Variants in NAV1 observed in about 807,000 individuals in gnomAD.
NAV1 encodes neuron navigator 1.
NAV1 carries 18 observed loss-of-function variants against 175.2 expected under a neutral mutation model. That is an observed-to-expected ratio of 0.10 (90% CI 0.07 to 0.15). The LOEUF (loss-of-function observed/expected upper bound fraction) is 0.15. NAV1 is among the 10% of genes least tolerant of loss of function. The pLI, the probability that NAV1 is intolerant of heterozygous loss-of-function variation, is 1.00. For missense variants in NAV1, 1,731 were observed against 2,436.6 expected, an observed-to-expected ratio of 0.71 and a Z score of 6.10; for synonymous variants, 897 against 978.7, an observed-to-expected ratio of 0.92 and a Z score of 1.56.
chr1:201,563,182 G>A (rs563867314), intron 1 of NAV1, among the ~76,000 whole-genome samples: 2 of 152,228 alleles, frequency 1.3e-5, no homozygotes, highest in African/African-American at 4.8e-5. Flanking sequence ...CTGGTGGTGC[G>A]ACTCAGGGCT....
At chr1:201,819,925 C>T in exon 30 of NAV1, 2 of 1,614,150 alleles carry the variant, frequency 1.2e-6, no homozygotes, top group African/African-American at 2.7e-5. Context: ...CTTCAGGCAA[C>T]ACTTTAAGGG....
intron 1 of NAV1, among the ~76,000 whole-genome samples, chr1:201,576,216 T>C (rs1194185479): frequency 6.6e-6 from 1 of 152,246 alleles, no homozygotes; most frequent in Admixed American, 6.5e-5. Flanking sequence ...TTGCCATTTC[T>C]ATACTTTTGC....
chr1:201,592,519 C>G (rs1013569207), intron 2 of NAV1, among the ~76,000 whole-genome samples: 1 of 152,186 alleles, frequency 6.6e-6, no homozygotes, highest in Admixed American at 6.5e-5. Flanking sequence ...GACTTCCAGG[C>G]TGGTGCTCTG....
rs374825611 is a variant in NAV1, at chr1:201,539,793, C to G, written c.-144+451C>G. Among the ~76,000 whole-genome samples the G allele has an allele frequency of 1.3e-5, 2 of 152,330 alleles. No homozygotes were observed. Among genetic ancestry groups the G allele is most frequent in the African/African-American group, 4.8e-5 (2 of 41,582 alleles). ...TTCGTTGAAGCAAGAGTTAACTCCT[C>G]CCATCCCAGCAGGAGCCAGAGGAAC... On this transcript the variant is annotated intron_variant, in intron 1 of 33. Transcript: ENST00000685211. The surrounding 1 kb of genome is among the most constrained non-coding windows in gnomAD (Gnocchi z 5.6).
In NAV1 at chr1:201,616,269, C is replaced by T. The variant is rs556642830; in HGVS notation, c.-32-6584C>T. Among the ~76,000 whole-genome samples the T allele has an allele frequency of 5.3e-5, 8 of 152,248 alleles. 1 individual carries two copies. The highest frequency in any genetic ancestry group is 1.9e-4 in the African/African-American group (8 of 41,548). On this transcript the variant is annotated intron_variant, in intron 2 of 33. Transcript: ENST00000685211. The stretch of plus-strand genomic sequence containing the variant: ...CTGGCTCCAGAGTATATTCTTTAAC[C>T]ACTGTACCACAGAATCTCTTTAAAG...
At chr1:201,652,122 G>T (rs962726334) in intron 1 of NAV1, among the ~76,000 whole-genome samples, 1 of 151,964 alleles carries the variant, frequency 6.6e-6, no homozygotes, top group African/African-American at 2.4e-5. Context: ...ATGGTGACTT[G>T]ATGTTTCAGG....
At chr1:201,578,903 T>A (rs779151028) in intron 1 of NAV1, among the ~76,000 whole-genome samples, 19 of 152,040 alleles carry the variant, frequency 1.2e-4, no homozygotes, top group Non-Finnish European at 2.5e-4. Context: ...GAGGCCGAGG[T>A]GAGTGGATCA....
At chr1:201,567,758 G>C (rs536080048) in intron 1 of NAV1, among the ~76,000 whole-genome samples, 3 of 152,278 alleles carry the variant, frequency 2.0e-5, no homozygotes, top group Non-Finnish European at 4.4e-5. Context: ...ACCCATGAGA[G>C]ACTATGGCTT....
At position 201,782,239 on chromosome 1, in the gene NAV1, G is replaced by A. The variant is rs759712759; in HGVS notation, c.1727G>A (p.Arg576His). The A allele has an allele frequency of 6.2e-7, 1 of 1,613,882 alleles. No homozygotes were observed. Among genetic ancestry groups the A allele is most frequent in the East Asian group, 2.2e-5 (1 of 44,874 alleles). The change falls in exon 6 of 30, where the codon CGC becomes CAC. Residue 576 changes from arginine (R) to histidine (H), a missense_variant. Transcript: ENST00000367296. This position sits in a 1 kb window ranked among gnomAD's most constrained non-coding sequence, Gnocchi z 5.4. ...GCAGTGAAGAATACTGGGCTCCAAC[G>A]CTCCTCCTCTGATGCTGGTCGGGAC...
rs184763118 is a variant in NAV1 at position 201,694,974 on chromosome 1, G to C, written c.758-17843G>C. Among the ~76,000 whole-genome samples the C allele has an allele frequency of 1.3e-3, 198 of 152,362 alleles. No individual in the cohort carries two copies. Among genetic ancestry groups the C allele is most frequent in the Non-Finnish European group, 2.2e-3 (152 of 68,030 alleles). ...GGCATTTGCCTCCTTGCTTCCAAATGTAGAGGGACAGTAGAGATCGTCTGC... is the reference window on the plus strand; with the variant it reads ...GGCATTTGCCTCCTTGCTTCCAAATCTAGAGGGACAGTAGAGATCGTCTGC... On this transcript the variant is annotated intron_variant, in intron 1 of 29. Transcript: ENST00000367296. The surrounding 1 kb of genome is among the most constrained non-coding windows in gnomAD (Gnocchi z 4.2).
chr1:201,677,396 TC>T lies in NAV1; in HGVS notation c.757+27972del, dbSNP rs552369299. On this transcript the variant is annotated intron_variant, in intron 1 of 29. Transcript: ENST00000367296. ...GATCCCTGCAAGTTTCCTCAGTGCC[TC>T]TCCAGTTCTGTGCCATGGGACATGG... Among the ~76,000 whole-genome samples, 27 of 152,224 alleles carry T rather than the reference TC, an allele frequency of 1.8e-4. No homozygotes were observed. The South Asian group carries it at 5.0e-3, about 28-fold the overall frequency.
At position 201,819,958 on chromosome 1, in the gene NAV1, G is replaced by A. The variant is rs140231393; in HGVS notation, c.*26G>A. 4.1e-4 allele frequency: 663 copies of A among 1,606,106 alleles called. 2 individuals carry two copies. The highest frequency in any genetic ancestry group is 3.1e-3 in the African/African-American group (232 of 74,842). Reference sequence around the variant, plus strand: ...GGGTTCGGCAATCACTGTCACCCCCGGACAGCAGAACGCTGGCATCAGCTA... The same window carrying A: ...GGGTTCGGCAATCACTGTCACCCCCAGACAGCAGAACGCTGGCATCAGCTA... On this transcript the variant is annotated 3_prime_UTR_variant, in exon 30 of 30. Coordinates refer to ENST00000367296, the Ensembl canonical transcript of NAV1.
intron 3 of NAV1, among the ~76,000 whole-genome samples, chr1:201,772,734 A>G (rs2102678458): frequency 6.6e-6 from 1 of 152,312 alleles, no homozygotes; most frequent in East Asian, 1.9e-4. Flanking sequence ...ACCATGCATT[A>G]TAAATACTAG....
intron 3 of NAV1, among the ~76,000 whole-genome samples, chr1:201,741,021 A>G (rs1285544502): frequency 6.6e-6 from 1 of 151,994 alleles, no homozygotes; most frequent in Non-Finnish European, 1.5e-5. Flanking sequence ...GTTGGGCCCT[A>G]TGCCTGGTGC....
Position 201,782,969 on chromosome 1 carries a change from T to C in NAV1, c.2357+100T>C, listed in dbSNP as rs1179824031. On this transcript the variant is annotated intron_variant, in intron 6 of 29. Coordinates refer to ENST00000367296, the Ensembl canonical transcript of NAV1. The surrounding 1 kb of genome is among the most constrained non-coding windows in gnomAD (Gnocchi z 5.4). Reference sequence around the variant, plus strand: ...TAGATGAGGCATGGCCTATCCACCGTTGTCTCTAGGCCTTTGCATGGCTCT... The same window carrying C: ...TAGATGAGGCATGGCCTATCCACCGCTGTCTCTAGGCCTTTGCATGGCTCT... The C allele has an allele frequency of 4.9e-6, 5 of 1,023,982 alleles. No homozygotes were observed. Among genetic ancestry groups the C allele is most frequent in the Non-Finnish European group, 7.1e-6 (5 of 705,462 alleles). 63.4% of individuals were successfully genotyped at this position (1,023,982 alleles called of 1,614,324 possible).
intron 15 of NAV1, among the ~76,000 whole-genome samples, chr1:201,799,035 G>T (rs923334077): frequency 6.6e-6 from 1 of 151,890 alleles, no homozygotes; most frequent in Non-Finnish European, 1.5e-5. Context: ...TAATAGTACT[G>T]TGGGAGAATG....
chr1:201,694,053 G>A lies in NAV1; in HGVS notation c.758-18764G>A, dbSNP rs1275507213. On this transcript the variant is annotated intron_variant, in intron 1 of 29. Transcript: ENST00000367296. This position sits in a 1 kb window ranked among gnomAD's most constrained non-coding sequence, Gnocchi z 4.2. The stretch of plus-strand genomic sequence containing the variant: ...GTCCCCCAGTTTGGCTTCCTGGTGG[G>A]GGAGGGGACACACACAGACATCAAT... Among the ~76,000 whole-genome samples the A allele has an allele frequency of 6.6e-6, 1 of 152,190 alleles. No individual in the cohort carries two copies. Among genetic ancestry groups the A allele is most frequent in the Admixed American group, 6.5e-5 (1 of 15,276 alleles).
At chr1:201,566,417 A>G (rs1381390136) in intron 1 of NAV1, among the ~76,000 whole-genome samples, 2 of 152,204 alleles carry the variant, frequency 1.3e-5, no homozygotes, top group South Asian at 2.1e-4. Flanking sequence ...GCACACCCTC[A>G]GCCGTTACAG....
Position 201,718,482 on chromosome 1 carries a change from A to G in NAV1, c.953A>G (p.Tyr318Cys), listed in dbSNP as rs1459637639. 2 of 1,601,752 alleles carry G rather than the reference A, an allele frequency of 1.2e-6. No homozygotes were observed. Among genetic ancestry groups the G allele is most frequent in the Non-Finnish European group, 1.7e-6 (2 of 1,171,020 alleles). Reference sequence around the variant, plus strand: ...CGCTCGTCCCCTCTGTCATGGCGCTATGGCCAGTCCAGTCCGCGGCTGCAG... The same window carrying G: ...CGCTCGTCCCCTCTGTCATGGCGCTGTGGCCAGTCCAGTCCGCGGCTGCAG... Residue 318 changes from tyrosine to cysteine, a missense_variant, in exon 3 of 30, where the codon TAT (tyrosine) becomes TGT (cysteine). Physicochemically the swap from Tyr to Cys is radical, Grantham distance 194. Around this residue, in one of 13 missense-constraint regions of NAV1, gnomAD observed 487 missense variants for 581.3 expected, o/e 0.84. Transcript: ENST00000367296. This position sits in a 1 kb window ranked among gnomAD's most constrained non-coding sequence, Gnocchi z 4.8.
Sources: allele counts gnomAD v4.1 joint callset (sites outside exome capture counted in the v4.1 genomes callset), GRCh38; gene constraint gnomAD v4.1.1; regional missense constraint gnomAD v4.1.1; non-coding constraint Gnocchi (gnomAD v3.1); transcripts MANE v1.5; gene names NCBI Gene and HGNC (gene_info 2026-07-23, HGNC 2026-07-21).